Variants in MYH9 observed in about 807,000 individuals in gnomAD.
MYH9 encodes the protein myosin heavy chain 9.
Under a neutral mutation model 241.9 loss-of-function variants are expected in MYH9, and 29 were observed. That is an observed-to-expected ratio of 0.12 (90% CI 0.09 to 0.16). The LOEUF is 0.16. Ranked by LOEUF, MYH9 falls within the 10% of genes least tolerant of loss-of-function variation. The pLI, the probability that MYH9 is intolerant of heterozygous loss-of-function variation, is 1.00. For missense variants in MYH9, 1,803 were observed against 2,595.5 expected (o/e 0.69, Z 6.63); for synonymous variants, 1,047 against 1,062.6 (o/e 0.99, Z 0.29).
chr22:36,348,941 T>C lies in MYH9; in HGVS notation c.296A>G (p.His99Arg). The part of the protein sequence containing the change: ...LTCLNEASVL[H>R]NLKERYYSGL... ...TGAGTAGTAACGCTCCTTGAGGTTG[T>C]GCAGCACCGAGGCTTCGTTGAGGCA... Residue 99 changes from histidine (H) to arginine (R), a missense_variant, in exon 2 of 41, where the codon CAC becomes CGC. Transcript: ENST00000216181. 3.1e-6 allele frequency: 5 copies of C among 1,607,850 alleles called. No individual in the cohort carries two copies. Among genetic ancestry groups the C allele is most frequent in the Non-Finnish European group, 3.4e-6 (4 of 1,177,084 alleles).
At chr22:36,287,801 G>A (rs777228625) in intron 34 of MYH9, among the ~76,000 whole-genome samples, 2 of 152,196 alleles carry the variant, frequency 1.3e-5, no homozygotes, top group African/African-American at 2.4e-5. Flanking sequence ...ATGATATGGC[G>A]TATCAGAGCT....
At chr22:36,316,780 C>T in intron 11 of MYH9, 111 bp from the exon 12 acceptor site, 1 of 1,281,064 alleles carries the variant, frequency 7.8e-7, no homozygotes, top group South Asian at 1.3e-5. Context: ...AGGAACAGCC[C>T]TAAGTATGTG....
chr22:36,290,061 C>T (rs1436054527), intron 31 of MYH9, among the ~76,000 whole-genome samples: 1 of 152,154 alleles, frequency 6.6e-6, no homozygotes, highest in East Asian at 1.9e-4. Flanking sequence ...CCCCCGAGTC[C>T]ACATCCCCCT....
chr22:36,311,143 A>C (rs1473892187), intron 14 of MYH9, among the ~76,000 whole-genome samples: 1 of 152,200 alleles, frequency 6.6e-6, no homozygotes, highest in Non-Finnish European at 1.5e-5. Context: ...TAATCACAGC[A>C]ATTAACTGTT....
At chr22:36,286,551 C>T (rs1312203609) in intron 35 of MYH9, among the ~76,000 whole-genome samples, 167 bp downstream of exon 35, 1 of 152,196 alleles carries the variant, frequency 6.6e-6, no homozygotes, top group African/African-American at 2.4e-5. Flanking sequence ...GAGGGAGCCC[C>T]GCTATGAAAC....
chr22:36,294,681 G>A (rs1329840234), intron 27 of MYH9, among the ~76,000 whole-genome samples: 2 of 152,256 alleles, frequency 1.3e-5, no homozygotes, highest in Non-Finnish European at 2.9e-5. Context: ...AAGCCTGTCT[G>A]AAGTCTGATG....
At chr22:36,296,136 T>A (rs2016783988) in intron 25 of MYH9, among the ~76,000 whole-genome samples, 1 of 152,206 alleles carries the variant, frequency 6.6e-6, no homozygotes, top group Non-Finnish European at 1.5e-5. Context: ...TGGTAGGGGA[T>A]GTTGACTGCA....
chr22:36,309,712 T>C (rs1244010783), intron 14 of MYH9, among the ~76,000 whole-genome samples: 1 of 152,160 alleles, frequency 6.6e-6, no homozygotes, highest in Non-Finnish European at 1.5e-5. Context: ...TTTTAGGTAA[T>C]ATGAACAAAG....
In MYH9 at chr22:36,286,776, G is replaced by T; in HGVS notation, c.5003C>A (p.Ala1668Asp). Residue 1668 changes from alanine to aspartate, a missense_variant, in exon 35 of 41, where the codon GCC (alanine) becomes GAC (aspartate). Ala to Asp is a moderately radical substitution (Grantham distance 126). Transcript: ENST00000216181. Reference sequence around the variant, plus strand: ...CTTCAGCTTCTTCTCGTTCTCTTTGGCCTGGGCCAGGATCTCCTCACGAGA... The same window carrying T: ...CTTCAGCTTCTTCTCGTTCTCTTTGTCCTGGGCCAGGATCTCCTCACGAGA... ...RASREEILAQ[A>D]KENEKKLKSM... 6.2e-7 allele frequency: 1 copy of T among 1,612,992 alleles called. No individual in the cohort carries two copies. Among genetic ancestry groups the T allele is most frequent in the Non-Finnish European group, 8.5e-7 (1 of 1,180,034 alleles).
intron 1 of MYH9, among the ~76,000 whole-genome samples, chr22:36,385,649 G>A (rs1232284498): frequency 6.6e-6 from 1 of 152,132 alleles, no homozygotes; most frequent in African/African-American, 2.4e-5. Flanking sequence ...ACCGAATGCT[G>A]CCCTTCTCTC....
At chr22:36,336,730 A>C (rs2017505458) in intron 3 of MYH9, among the ~76,000 whole-genome samples, 1 of 152,230 alleles carries the variant, frequency 6.6e-6, no homozygotes, top group South Asian at 2.1e-4. Flanking sequence ...CCTTTCTGCA[A>C]GATCCGACCT....
chr22:36,362,815 G>A (rs2017954855), intron 1 of MYH9, among the ~76,000 whole-genome samples: 1 of 152,124 alleles, frequency 6.6e-6, no homozygotes, highest in African/African-American at 2.4e-5. Flanking sequence ...CAACCAATGA[G>A]CCAGGGCAGA....
At chr22:36,299,226 A>G (rs1372117434) in intron 23 of MYH9, among the ~76,000 whole-genome samples, 184 bp from the exon 24 acceptor site, 2 of 152,160 alleles carry the variant, frequency 1.3e-5, no homozygotes, top group Non-Finnish European at 1.5e-5. Context: ...CCCCTGAAAC[A>G]GCGAGGTACG....
chr22:36,385,172 C>T (rs974103), intron 1 of MYH9, among the ~76,000 whole-genome samples: 81,211 of 137,852 alleles, frequency 0.59, 24,283 homozygotes, highest in Non-Finnish European at 0.71. Context: ...TTTTTTTTTT[C>T]TCTCTCTCTC....
chr22:36,350,515 C>T (rs372017503), intron 1 of MYH9, among the ~76,000 whole-genome samples: 1 of 152,064 alleles, frequency 6.6e-6, no homozygotes. Flanking sequence ...CCAGCCTGGG[C>T]AACAAGAGCA....
rs749796907 is a variant in MYH9 at position 36,300,869 on chromosome 22, C to T, written c.2820G>A (p.Lys940=). The T allele has an allele frequency of 1.9e-6, 3 of 1,602,228 alleles. No individual in the cohort carries two copies. The highest frequency in any genetic ancestry group is 1.7e-5 in the Admixed American group (1 of 60,006). The change falls in exon 22 of 41, where the codon AAG becomes AAA. Residue 940 remains lysine, a synonymous_variant. Coordinates refer to ENST00000216181, the MANE Select transcript of MYH9 (RefSeq NM_002473.6). The surrounding 1 kb of genome is among the most constrained non-coding windows in gnomAD (Gnocchi z 5.0). ...CAGGAACCTGGATGTTCTGCTGCAT[C>T]TTCTTCTTCTCCGCCTGCAGGTGCT... is the stretch of plus-strand genomic sequence containing the variant. ...RCQHLQAEKK[K]MQQNIQELEE... is the part of the protein sequence containing the mutation.
rs556403259 is a variant in MYH9 at position 36,329,333 on chromosome 22, C to G, written c.491-1845G>C. Among the ~76,000 whole-genome samples the G allele has an allele frequency of 6.6e-6, 1 of 152,190 alleles. No individual in the cohort carries two copies. Among genetic ancestry groups the G allele is most frequent in the African/African-American group, 2.4e-5 (1 of 41,426 alleles). On this transcript the variant is annotated intron_variant, in intron 3 of 40. Coordinates refer to ENST00000216181, the MANE Select transcript of MYH9 (RefSeq NM_002473.6). The surrounding 1 kb of genome is among the most constrained non-coding windows in gnomAD (Gnocchi z 4.1). Reference sequence around the variant, plus strand: ...GACAGAGATTAGAGACCTGCATCCTCGACTAGACAGACGGGAAGACAGAAG... The same window carrying G: ...GACAGAGATTAGAGACCTGCATCCTGGACTAGACAGACGGGAAGACAGAAG...
At chr22:36,351,397 A>G (rs1173143454) in intron 1 of MYH9, among the ~76,000 whole-genome samples, 1 of 152,206 alleles carries the variant, frequency 6.6e-6, no homozygotes, top group Admixed American at 6.5e-5. Flanking sequence ...CAAACAAGAC[A>G]GGAACGGTGG....
At chr22:36,361,919 A>G (rs897741900) in intron 1 of MYH9, among the ~76,000 whole-genome samples, 10 of 152,158 alleles carry the variant, frequency 6.6e-5, no homozygotes, top group Non-Finnish European at 1.5e-4. Context: ...AAAATACAAA[A>G]ATTAGCCAGG....
Sources: allele counts gnomAD v4.1 joint callset (sites outside exome capture counted in the v4.1 genomes callset), GRCh38; gene constraint gnomAD v4.1.1; non-coding constraint Gnocchi (gnomAD v3.1); transcripts MANE v1.5; gene names NCBI Gene and HGNC (gene_info 2026-07-23, HGNC 2026-07-21).